DAB2: variants seen among roughly 807,000 people sequenced by gnomAD.
DAB2 encodes DAB adaptor protein 2, also known as disabled homolog 2.
In DAB2, 28 loss-of-function variants were observed where a neutral mutation model predicts 71.6. That is an observed-to-expected ratio of 0.39 (90% CI 0.29 to 0.54). The LOEUF is 0.54. DAB2 is among the 20% of genes least tolerant of loss of function. The pLI is 0.68. For synonymous variants in DAB2, 345 were observed against 339.7 expected (o/e 1.02, Z -0.17); for missense variants, 867 against 928.8 (o/e 0.93, Z 0.86).
intron 1 of DAB2, chr5:39,418,479 G>A (rs371462040): frequency 6.6e-6 from 1 of 152,090 alleles, no homozygotes; most frequent in Non-Finnish European, 1.5e-5. Context: ...ATTTAGAACC[G>A]AGAGGGCAGC....
intron 1 of DAB2, among the ~76,000 whole-genome samples, chr5:39,405,733 T>G (rs537708302): frequency 6.6e-6 from 1 of 152,346 alleles, no homozygotes; most frequent in African/African-American, 2.4e-5. Flanking sequence ...GGTATGTCTT[T>G]CCTTATGTGC....
chr5:39,375,543 T>C (rs1754805369), intron 13 of DAB2, among the ~76,000 whole-genome samples: 1 of 152,204 alleles, frequency 6.6e-6, no homozygotes, highest in Admixed American at 6.5e-5. Flanking sequence ...ATGTTTATAC[T>C]GTGAAGGTTC....
At position 39,390,588 on chromosome 5, in the gene DAB2, C is replaced by A; in HGVS notation, c.331-13G>T. The A allele has an allele frequency of 6.3e-7, 1 of 1,595,174 alleles. No individual in the cohort carries two copies. The highest frequency in any genetic ancestry group is 8.6e-7 in the Non-Finnish European group (1 of 1,167,042). On this transcript the variant is annotated splice_polypyrimidine_tract_variant and intron_variant, in intron 4 of 14. Coordinates refer to ENST00000320816, the MANE Select transcript of DAB2 (RefSeq NM_001343.4). ...CATGCTCTATTACCTTAAAAAAGAACATAAAGAGTAATTTATTAAGAAAAC... is the reference window on the plus strand; with the variant it reads ...CATGCTCTATTACCTTAAAAAAGAAAATAAAGAGTAATTTATTAAGAAAAC...
rs188195203 is a variant in DAB2, at chr5:39,393,686, T to C, written c.92-293A>G. Among the ~76,000 whole-genome samples the C allele has an allele frequency of 2.8e-5, 4 of 142,930 alleles. No homozygotes were observed. The Admixed American group carries it at 2.9e-4, about 10-fold the overall frequency. 93.8% of individuals were successfully genotyped at this position (142,930 alleles called of 152,430 possible). On this transcript the variant is annotated intron_variant, in intron 2 of 14. Transcript: ENST00000320816. ...TGGGAGTTGGGGACATTTTTCATCA[T>C]AGTTTTTTTTAAGTCTTTAAAGGAA...
At chr5:39,421,541 C>T (rs892807330) in intron 1 of DAB2, among the ~76,000 whole-genome samples, 2 of 152,174 alleles carry the variant, frequency 1.3e-5, no homozygotes, top group Admixed American at 6.5e-5. Context: ...TTCTCAACTA[C>T]TATCCAATTG....
rs1179034759 is a variant in DAB2 at position 39,372,584 on chromosome 5, A to T, written c.*847T>A. The T allele has an allele frequency of 6.6e-6, 1 of 152,018 alleles. No individual in the cohort carries two copies. The highest frequency in any genetic ancestry group is 2.4e-5 in the African/African-American group (1 of 41,388). 9.4% of individuals were successfully genotyped at this position (152,018 alleles called of 1,614,324 possible). ...ATTCTAGTTCTTGGGACTAGCAATT[A>T]CTGAGAATGAAGAGAGGCTCCAGAT... On this transcript the variant is annotated 3_prime_UTR_variant, in exon 15 of 15. Transcript: ENST00000320816.
At chr5:39,393,167 A>G in intron 3 of DAB2, 87 bp downstream of exon 3, 1 of 1,383,346 alleles carries the variant, frequency 7.2e-7, no homozygotes, top group Non-Finnish European at 1.0e-6. Context: ...CAAGTAATTG[A>G]ACAATAGGTC....
intron 1 of DAB2, among the ~76,000 whole-genome samples, chr5:39,421,055 A>C (rs923254616): frequency 2.0e-5 from 3 of 152,086 alleles, no homozygotes; most frequent in African/African-American, 7.2e-5. Flanking sequence ...CAGGAGTCTG[A>C]GAGGGTGTGG....
intron 13 of DAB2, 68 bp from the exon 14 acceptor site, chr5:39,375,152 C>G: frequency 8.5e-7 from 1 of 1,177,960 alleles, no homozygotes; most frequent in South Asian, 1.3e-5. Flanking sequence ...GCAATGAAGA[C>G]TTCCAAAATT....
At chr5:39,404,322 C>A (rs943545122) in intron 1 of DAB2, among the ~76,000 whole-genome samples, 2 of 149,416 alleles carry the variant, frequency 1.3e-5, no homozygotes, top group African/African-American at 2.5e-5. Context: ...TGCGGCACAC[C>A]AACATGGCAC....
At chr5:39,416,059 A>AT (rs991319319) in intron 1 of DAB2, among the ~76,000 whole-genome samples, 1,581 of 145,620 alleles carry the variant, frequency 0.011, 20 homozygotes, top group African/African-American at 0.036. Context: ...TCCCCATCAT[A>AT]TTTTTTTTTT....
chr5:39,389,165 G>A (rs1755166975), intron 6 of DAB2, 42 bp from the exon 7 acceptor site: 3 of 1,508,584 alleles, frequency 2.0e-6, no homozygotes, highest in Admixed American at 3.4e-5. Flanking sequence ...CATATTCATA[G>A]TGAAAGGGAG....
chr5:39,391,358 A>C (rs1755223497), intron 4 of DAB2, among the ~76,000 whole-genome samples: 1 of 152,170 alleles, frequency 6.6e-6, no homozygotes, highest in Admixed American at 6.5e-5. Context: ...GTATCTTAGA[A>C]AGTTTGAGGA....
At chr5:39,417,397 G>C in intron 1 of DAB2, 1 of 152,038 alleles carries the variant, frequency 6.6e-6, no homozygotes, top group East Asian at 1.9e-4. Context: ...TATGCCACCT[G>C]TACTGTTTCT....
At chr5:39,419,176 T>C (rs1380290643) in intron 1 of DAB2, among the ~76,000 whole-genome samples, 1 of 152,206 alleles carries the variant, frequency 6.6e-6, no homozygotes, top group Non-Finnish European at 1.5e-5. Context: ...AGACATTGAA[T>C]AGCATGCCCA....
chr5:39,377,390 A>C, intron 11 of DAB2, 108 bp from the exon 12 acceptor site: 3 of 1,144,060 alleles, frequency 2.6e-6, no homozygotes, highest in Non-Finnish European at 3.8e-6. Flanking sequence ...TAACACCTCC[A>C]TTGAGCCCTG....
At chr5:39,389,068 A>C in intron 7 of DAB2, 29 bp downstream of exon 7, 2 of 1,609,860 alleles carry the variant, frequency 1.2e-6, no homozygotes, top group Non-Finnish European at 1.7e-6. Flanking sequence ...CACACACATG[A>C]TTAACAAGAA....
At chr5:39,399,827 G>A (rs953425530) in intron 1 of DAB2, among the ~76,000 whole-genome samples, 1 of 152,236 alleles carries the variant, frequency 6.6e-6, no homozygotes, top group African/African-American at 2.4e-5. Context: ...TCAATTGCCA[G>A]CATGGTGGAC....
At position 39,376,723 on chromosome 5, in the gene DAB2, G is replaced by C. The variant is rs765953942; in HGVS notation, c.2064C>G (p.Ser688Arg). Reference protein sequence around the residue: ...TLSAFASYFNSKVGIPQENAD... With the variant: ...TLSAFASYFNRKVGIPQENAD... ...CATTCTCCTGAGGAATGCCAACCTT[G>C]CTGTTGAAATAACTGGCAAAGGCAC... The change falls in exon 12 of 15, where the codon AGC becomes AGG. Residue 688 changes from serine to arginine, a missense_variant. This residue lies in a region of DAB2 where 740 missense variants were observed against 734.3 expected (regional missense o/e 1.01). Coordinates refer to ENST00000320816, the MANE Select transcript of DAB2 (RefSeq NM_001343.4). 1 of 1,614,028 alleles carries C rather than the reference G, an allele frequency of 6.2e-7. No individual in the cohort carries two copies. The highest frequency in any genetic ancestry group is 1.3e-5 in the African/African-American group (1 of 74,928).
Sources: allele counts gnomAD v4.1 joint callset (sites outside exome capture counted in the v4.1 genomes callset), GRCh38; gene constraint gnomAD v4.1.1; regional missense constraint gnomAD v4.1.1; transcripts MANE v1.5; gene names NCBI Gene and HGNC (gene_info 2026-07-23, HGNC 2026-07-21).